KIAA1217: variants seen among roughly 807,000 people sequenced by gnomAD.
The protein encoded by KIAA1217 is KIAA1217.
KIAA1217 carries 88 observed loss-of-function variants against 163.9 expected under a neutral mutation model. The observed-to-expected ratio is 0.54, with a 90% CI of 0.45 to 0.64. KIAA1217 has a LOEUF of 0.64. KIAA1217 is among the 30% of genes least tolerant of loss of function. KIAA1217 has a pLI of 0.00. For missense variants in KIAA1217, 2,372 were observed against 2,475.0 expected, an observed-to-expected ratio of 0.96 and a Z score of 0.88; for synonymous variants, 903 against 923.1, an observed-to-expected ratio of 0.98 and a Z score of 0.39.
chr10:23,962,624 T>C (rs1249795299), intron 1 of KIAA1217, among the ~76,000 whole-genome samples: 1 of 152,224 alleles, frequency 6.6e-6, no homozygotes, highest in Non-Finnish European at 1.5e-5. Context: ...ACAGATTGAA[T>C]GACCCTACCC....
intron 2 of KIAA1217, among the ~76,000 whole-genome samples, chr10:24,280,057 C>T (rs1696588531): frequency 6.6e-6 from 1 of 152,132 alleles, no homozygotes; most frequent in South Asian, 2.1e-4. Flanking sequence ...TGCTTAGGCC[C>T]ATGAGGATCG....
At chr10:23,728,499 T>A (rs1838292626) in intron 1 of KIAA1217, among the ~76,000 whole-genome samples, 1 of 139,182 alleles carries the variant, frequency 7.2e-6, no homozygotes, top group Non-Finnish European at 1.5e-5. Context: ...TTTGCCCACT[T>A]TTTGATGGTT....
chr10:24,226,188 T>G (rs538668720), intron 2 of KIAA1217, among the ~76,000 whole-genome samples: 1 of 152,306 alleles, frequency 6.6e-6, no homozygotes, highest in Non-Finnish European at 1.5e-5. Context: ...TTTATGGTCT[T>G]TTCATTCATT....
At chr10:23,763,762 A>G (rs1834379697) in intron 1 of KIAA1217, among the ~76,000 whole-genome samples, 1 of 152,198 alleles carries the variant, frequency 6.6e-6, no homozygotes, top group Non-Finnish European at 1.5e-5. Context: ...GTCATATAAT[A>G]TCAACATTCT....
chr10:23,973,619 A>T (rs1053317080), intron 1 of KIAA1217, among the ~76,000 whole-genome samples: 1 of 152,256 alleles, frequency 6.6e-6, no homozygotes, highest in East Asian at 1.9e-4. Flanking sequence ...ATCGAGGAAG[A>T]TCAGTTAGCA....
intron 1 of KIAA1217, among the ~76,000 whole-genome samples, chr10:23,817,814 A>G (rs1007760468): frequency 6.6e-6 from 1 of 150,990 alleles, no homozygotes; most frequent in African/African-American, 2.4e-5. Flanking sequence ...ATAGGGCCAG[A>G]TGTGGTGGCT....
intron 1 of KIAA1217, among the ~76,000 whole-genome samples, chr10:23,854,666 A>T (rs2131109314): frequency 6.6e-6 from 1 of 151,970 alleles, no homozygotes; most frequent in South Asian, 2.1e-4. Context: ...TTTGTAGTTC[A>T]CTCAGGACTT....
chr10:24,325,392 A>AATGAGAAAGAAGGGTGTGT (rs2044736151), intron 2 of KIAA1217, among the ~76,000 whole-genome samples: 1 of 152,028 alleles, frequency 6.6e-6, no homozygotes, highest in East Asian at 1.9e-4. Flanking sequence ...AGCAGGATGA[A>AATGAGAAAGAAGGGTGTGT]ATGAGAAAGA....
chr10:24,212,726 T>C (rs2068297294), intron 1 of KIAA1217, among the ~76,000 whole-genome samples: 1 of 152,200 alleles, frequency 6.6e-6, no homozygotes, highest in Non-Finnish European at 1.5e-5. Flanking sequence ...TTTCTATCAT[T>C]GCATTCTCTC....
intron 2 of KIAA1217, among the ~76,000 whole-genome samples, chr10:24,010,661 G>A (rs1012333187): frequency 2.7e-5 from 4 of 149,758 alleles, no homozygotes; most frequent in African/African-American, 9.9e-5. Flanking sequence ...ATATGTTCTC[G>A]GTTCCATGAG....
chr10:24,437,922 A>G (rs959383921), intron 4 of KIAA1217, among the ~76,000 whole-genome samples: 16 of 149,376 alleles, frequency 1.1e-4, no homozygotes, highest in African/African-American at 2.4e-4. Flanking sequence ...AAAAAAAAAA[A>G]AAAGAAAAAG....
chr10:24,524,755 G>A lies in KIAA1217; in HGVS notation c.2889G>A (p.Val963=), dbSNP rs376523074. ...IHSVSAKNRA[V]SIEKAEKKWE... ...GTGTGAGTGCCAAGAACAGGGCAGT[G>A]TCTATCGAGGTAGAGTCCTATTTCT... Residue 963 remains valine, a synonymous_variant, in exon 13 of 21, where the codon GTG becomes GTA. Transcript: ENST00000376454. 6.3e-7 allele frequency: 1 copy of A among 1,590,586 alleles called. No homozygotes were observed. Among genetic ancestry groups the A allele is most frequent in the Non-Finnish European group, 8.6e-7 (1 of 1,163,964 alleles).
chr10:24,310,706 T>C (rs1289678220), intron 2 of KIAA1217, among the ~76,000 whole-genome samples: 3 of 152,096 alleles, frequency 2.0e-5, no homozygotes, highest in South Asian at 2.1e-4. Flanking sequence ...GCACATATAA[T>C]TGAATATAGG....
chr10:24,237,443 T>G (rs2072445431), intron 2 of KIAA1217, among the ~76,000 whole-genome samples: 1 of 152,232 alleles, frequency 6.6e-6, no homozygotes, highest in South Asian at 2.1e-4. Flanking sequence ...ACTCTCTCCA[T>G]TTGCCTTTAC....
intron 2 of KIAA1217, among the ~76,000 whole-genome samples, chr10:24,091,220 T>A (rs945438640): frequency 6.6e-6 from 1 of 151,860 alleles, no homozygotes; most frequent in African/African-American, 2.4e-5. Context: ...GTTTTACAGA[T>A]CAGAGTGATC....
chr10:24,062,345 G>A (rs1173045640), intron 2 of KIAA1217, among the ~76,000 whole-genome samples: 1 of 132,546 alleles, frequency 7.5e-6, no homozygotes, highest in Non-Finnish European at 1.5e-5. Context: ...GTGTCCATGT[G>A]TTCTCATTGT....
In KIAA1217 at chr10:24,064,007, T is replaced by G. The variant is rs189226809; in HGVS notation, c.-171+56633T>G. Among the ~76,000 whole-genome samples, 273 of 152,266 alleles carry G rather than the reference T, an allele frequency of 1.8e-3. 6 individuals are homozygous for G. In the East Asian group the frequency reaches 0.034, roughly 19 times the overall value. On this transcript the variant is annotated intron_variant, in intron 2 of 18. Transcript: ENST00000376462. ...CATTGATTTTGTATCCTGAGACTTT[T>G]CTGAAGTTGCTTATCAGCTTAAGGA...
chr10:24,462,787 A>G (rs1424877467), intron 5 of KIAA1217, among the ~76,000 whole-genome samples: 2 of 152,170 alleles, frequency 1.3e-5, no homozygotes, highest in Non-Finnish European at 2.9e-5. Flanking sequence ...GTCACAAGCA[A>G]ATAAAGCAGT....
chr10:23,709,433 G>A (rs1837094000), intron 1 of KIAA1217, among the ~76,000 whole-genome samples: 2 of 151,970 alleles, frequency 1.3e-5, no homozygotes, highest in Non-Finnish European at 2.9e-5. Context: ...GGAGGCTAAG[G>A]TGGGAGGATT....
Sources: gnomAD v4.1 joint callset for allele counts (sites outside exome capture counted in the v4.1 genomes callset) on GRCh38, gnomAD v4.1.1 for gene constraint, MANE v1.5 for transcripts, NCBI Gene and HGNC (gene_info 2026-07-23, HGNC 2026-07-21) for gene names.